WDPCP: variants seen among roughly 807,000 people sequenced by gnomAD.
The protein encoded by WDPCP is WD repeat-containing and planar cell polarity effector protein fritz homolog.
In WDPCP, 71 loss-of-function variants were observed where a neutral mutation model predicts 93.1. The ratio of observed to expected loss-of-function variants is 0.76; its 90% CI spans 0.63 to 0.93. The LOEUF is 0.93. WDPCP is among the 40% of genes least tolerant of loss of function. WDPCP has a pLI of 0.00. For synonymous variants in WDPCP, 315 were observed against 315.0 expected (o/e 1.00, Z 0.00); for missense variants, 844 against 887.4 (o/e 0.95, Z 0.62).
chr2:63,449,049 A>G (rs1313003053), intron 6 of WDPCP, among the ~76,000 whole-genome samples: 1 of 152,226 alleles, frequency 6.6e-6, no homozygotes, highest in Admixed American at 6.5e-5. Context: ...GATGATGGAT[A>G]TGTTAACTAG....
intron 1 of WDPCP, among the ~76,000 whole-genome samples, chr2:63,585,708 T>C (rs1038527949): frequency 2.0e-5 from 3 of 152,118 alleles, no homozygotes; most frequent in African/African-American, 7.2e-5. Flanking sequence ...AACAAAATTG[T>C]TATAAAATAG....
chr2:63,677,441 T>A (rs1443753687), intron 2 of WDPCP, among the ~76,000 whole-genome samples: 1 of 151,630 alleles, frequency 6.6e-6, no homozygotes, highest in Non-Finnish European at 1.5e-5. Context: ...TTAAAATAGC[T>A]ATACAAACAG....
In WDPCP at chr2:63,572,958, ATTCATT is replaced by A. The variant is rs1707641034; in HGVS notation, c.75+15233_75+15238del. On this transcript the variant is annotated intron_variant, in intron 1 of 17. Coordinates refer to ENST00000272321, the MANE Select transcript of WDPCP (RefSeq NM_015910.7). ...AAGAGGATTTCTGCTCTTCAAAAGT[ATTCATT>A]GGCCAGGCATAGTGGCTCACACCTA... Among the ~76,000 whole-genome samples, 11 of 152,192 alleles carry A rather than the reference ATTCATT, an allele frequency of 7.2e-5. No homozygotes were observed. The South Asian group carries it at 2.1e-3, about 29-fold the overall frequency.
At chr2:63,605,840 G>T in intron 3 of WDPCP, 2 of 948,728 alleles carry the variant, frequency 2.1e-6, no homozygotes, top group South Asian at 2.6e-5. Context: ...ATGATGTTAT[G>T]AACATAGTAA....
At chr2:63,787,698 A>C (rs1296375251) in intron 2 of WDPCP, among the ~76,000 whole-genome samples, 1 of 152,212 alleles carries the variant, frequency 6.6e-6, no homozygotes, top group Non-Finnish European at 1.5e-5. Context: ...GTAAATATAA[A>C]TAATTACTAA....
chr2:63,545,947 T>C (rs186272984), intron 1 of WDPCP, among the ~76,000 whole-genome samples: 2 of 152,226 alleles, frequency 1.3e-5, no homozygotes, highest in African/African-American at 4.8e-5. Flanking sequence ...CCTTTATCTT[T>C]GCTAGACTGA....
rs543918998 is a variant in WDPCP, at chr2:63,231,228, G to A, written c.1915+28079C>T. Among the ~76,000 whole-genome samples, 22 of 152,230 alleles carry A rather than the reference G, an allele frequency of 1.4e-4. 1 individual carries two copies. The South Asian group carries it at 3.5e-3, about 24-fold the overall frequency. ...ACAAACCCACAGCCAGTGTCATACC[G>A]AATGGGCAAACACTGGAGGCATTCC... On this transcript the variant is annotated intron_variant, in intron 14 of 17. Transcript: ENST00000272321.
At chr2:63,700,294 A>AAAAAAAAAAAAAAAAG (rs1669027494) in intron 2 of WDPCP, among the ~76,000 whole-genome samples, 1 of 147,776 alleles carries the variant, frequency 6.8e-6, no homozygotes, top group Admixed American at 6.7e-5. Context: ...AAAAAAAAAA[A>AAAAAAAAAAAAAAAAG]AAAAAAAAAC....
intron 13 of WDPCP, among the ~76,000 whole-genome samples, chr2:63,294,742 A>C (rs961433007): frequency 7.2e-5 from 11 of 152,098 alleles, no homozygotes; most frequent in African/African-American, 2.2e-4. Context: ...AAAGAAAAAA[A>C]AACTCAATAA....
intron 15 of WDPCP, among the ~76,000 whole-genome samples, chr2:63,156,492 T>C (rs1311663113): frequency 6.6e-6 from 1 of 152,060 alleles, no homozygotes; most frequent in East Asian, 1.9e-4. Flanking sequence ...TCCCAGCACC[T>C]TGGGAGGCTG....
intron 2 of WDPCP, among the ~76,000 whole-genome samples, chr2:63,666,740 C>A (rs1476798081): frequency 6.6e-6 from 1 of 152,136 alleles, no homozygotes; most frequent in Non-Finnish European, 1.5e-5. Context: ...TTTTCATCTG[C>A]TTAACATGGG....
At chr2:63,466,686 G>A (rs577027460) in intron 6 of WDPCP, among the ~76,000 whole-genome samples, 1 of 152,056 alleles carries the variant, frequency 6.6e-6, no homozygotes, top group African/African-American at 2.4e-5. Flanking sequence ...ATAAATATTT[G>A]GTATGTGTTT....
At chr2:63,589,581 G>A (rs1260686162), upstream of WDPCP, among the ~76,000 whole-genome samples, 1 of 152,168 alleles carries the variant, frequency 6.6e-6, no homozygotes, top group African/African-American at 2.4e-5. Flanking sequence ...ATGTTATTTG[G>A]AACCCGTTCA....
At chr2:63,576,295 A>G (rs1194954183) in intron 1 of WDPCP, among the ~76,000 whole-genome samples, 1 of 152,072 alleles carries the variant, frequency 6.6e-6, no homozygotes, top group African/African-American at 2.4e-5. Flanking sequence ...GCATCTGACC[A>G]ACTGGCTATA....
At chr2:63,404,890 A>G (rs556189464) in intron 9 of WDPCP, among the ~76,000 whole-genome samples, 3 of 152,310 alleles carry the variant, frequency 2.0e-5, no homozygotes, top group African/African-American at 7.2e-5. Context: ...AAAAATATAC[A>G]TATAGCACAG....
At chr2:63,431,022 C>CTTTGT (rs933262184) in intron 9 of WDPCP, among the ~76,000 whole-genome samples, 3 of 152,026 alleles carry the variant, frequency 2.0e-5, no homozygotes, top group African/African-American at 4.8e-5. Context: ...TCTATGTTTC[C>CTTTGT]TTTGTTTTGT....
intron 1 of WDPCP, among the ~76,000 whole-genome samples, chr2:63,528,030 G>C (rs980482212): frequency 1.1e-4 from 16 of 152,042 alleles, no homozygotes; most frequent in African/African-American, 3.9e-4. Flanking sequence ...TTTGAGAAGT[G>C]TCTATTCATA....
chr2:63,174,974 C>T (rs1673697506), intron 14 of WDPCP, 142 bp from the exon 15 acceptor site: 2 of 819,598 alleles, frequency 2.4e-6, no homozygotes, highest in Non-Finnish European at 4.0e-6. Context: ...TGTCCTAGTT[C>T]CCTATGACTT....
At chr2:63,437,792 GGGACCACCAAT>G in intron 7 of WDPCP, 2 of 1,467,980 alleles carry the variant, frequency 1.4e-6, no homozygotes, top group East Asian at 4.7e-5. Flanking sequence ...CTGATATTTG[GGGACCACCAAT>G]GGATGAGATG....
Sources: allele counts gnomAD v4.1 joint callset (sites outside exome capture counted in the v4.1 genomes callset), GRCh38; gene constraint gnomAD v4.1.1; transcripts MANE v1.5; gene names NCBI Gene and HGNC (gene_info 2026-07-23, HGNC 2026-07-21).